The following CCDC150 variants were observed in gnomAD, a reference collection of about 807,000 sequenced individuals.
CCDC150 encodes the protein coiled-coil domain-containing protein 150.
Under a neutral mutation model 156.5 loss-of-function variants are expected in CCDC150, and 151 were observed. The observed-to-expected ratio is 0.97, with a 90% CI of 0.85 to 1.10. The LOEUF (loss-of-function observed/expected upper bound fraction) is 1.10. Ranked by LOEUF, CCDC150 falls within the 50% of genes least tolerant of loss-of-function variation. The pLI, the probability that CCDC150 is intolerant of heterozygous loss-of-function variation, is 0.00. For synonymous variants in CCDC150, 452 were observed against 429.4 expected (o/e 1.05, Z -0.65); for missense variants, 1,312 against 1,268.1 (o/e 1.03, Z -0.53).
At chr2:196,653,815 T>C (rs1693021301) in intron 2 of CCDC150, among the ~76,000 whole-genome samples, 1 of 152,228 alleles carries the variant, frequency 6.6e-6, no homozygotes, top group African/African-American at 2.4e-5. Context: ...TTTGTGTTGC[T>C]TATAAGGGAA....
intron 22 of CCDC150, 101 bp downstream of exon 22, chr2:196,726,200 T>A: frequency 5.2e-6 from 7 of 1,346,970 alleles, no homozygotes; most frequent in South Asian, 1.3e-5. Flanking sequence ...ACTCCTCTCA[T>A]CCCCCTTTGA....
chr2:196,713,820 A>G (rs957408231), intron 17 of CCDC150: 3 of 992,478 alleles, frequency 3.0e-6, no homozygotes, highest in African/African-American at 3.3e-5. Context: ...AAAGACTAAT[A>G]TAGATTGAAA....
At chr2:196,716,473 A>C (rs1186347514) in intron 17 of CCDC150, among the ~76,000 whole-genome samples, 1 of 152,204 alleles carries the variant, frequency 6.6e-6, no homozygotes, top group Non-Finnish European at 1.5e-5. Context: ...AAATAATTAC[A>C]CTGAGTGAAA....
chr2:196,672,513 G>A (rs556914166), intron 9 of CCDC150, 76 bp downstream of exon 9: 1 of 720,700 alleles, frequency 1.4e-6, no homozygotes, highest in Non-Finnish European at 2.1e-6. Context: ...AACAAAATTA[G>A]TCTTGATTAT....
intron 4 of CCDC150, 79 bp from the exon 5 acceptor site, chr2:196,658,713 G>A: frequency 9.8e-7 from 1 of 1,024,082 alleles, no homozygotes; most frequent in Non-Finnish European, 1.4e-6. Context: ...AAAAAAACCT[G>A]ATTTGATCTG....
intron 22 of CCDC150, chr2:196,726,382 G>T: frequency 3.7e-6 from 1 of 267,442 alleles, no homozygotes; most frequent in Non-Finnish European, 7.4e-6. Context: ...AGACAGAAGA[G>T]AAATCATCTG....
At chr2:196,697,839 T>A (rs1695928446) in intron 14 of CCDC150, among the ~76,000 whole-genome samples, 1 of 152,206 alleles carries the variant, frequency 6.6e-6, no homozygotes, top group Non-Finnish European at 1.5e-5. Context: ...TTAGAAATAA[T>A]TTTGTGGCTT....
Position 196,690,463 on chromosome 2 carries a change from T to A in CCDC150, c.1510-4583T>A, listed in dbSNP as rs141155927. Among the ~76,000 whole-genome samples the A allele has an allele frequency of 9.8e-4, 150 of 152,314 alleles. No individual in the cohort carries two copies. In the East Asian group the frequency reaches 0.019, roughly 19 times the overall value. On this transcript the variant is annotated intron_variant, in intron 13 of 27. Coordinates refer to ENST00000389175, the MANE Select transcript of CCDC150 (RefSeq NM_001080539.2). ...TAATATGTAAATTCATATATGTAAT[T>A]TAAAATAGGTAAATTCATATAAATA... is the stretch of plus-strand genomic sequence containing the variant.
intron 17 of CCDC150, among the ~76,000 whole-genome samples, chr2:196,714,626 A>G (rs1326319175): frequency 6.6e-6 from 1 of 152,078 alleles, no homozygotes; most frequent in Non-Finnish European, 1.5e-5. Flanking sequence ...AGTCAGCAAA[A>G]ATTGGCCTCA....
chr2:196,677,014 G>A, intron 12 of CCDC150: 1 of 670,152 alleles, frequency 1.5e-6, no homozygotes, highest in Non-Finnish European at 2.8e-6. Context: ...GATTTCCCCT[G>A]AAGGAGTGGG....
intron 14 of CCDC150, among the ~76,000 whole-genome samples, chr2:196,695,684 A>G (rs770959224): frequency 2.6e-5 from 4 of 152,126 alleles, no homozygotes; most frequent in Non-Finnish European, 4.4e-5. Flanking sequence ...ACTACTAAAA[A>G]TAGAAAAAAT....
intron 1 of CCDC150, among the ~76,000 whole-genome samples, chr2:196,643,135 C>T (rs1163556530): frequency 2.0e-5 from 3 of 152,146 alleles, no homozygotes; most frequent in Non-Finnish European, 2.9e-5. Context: ...GGATTCTCAG[C>T]GATTGACTAA....
rs769592636 is a variant in CCDC150, at chr2:196,677,319, G to T, written c.1467G>T (p.Val489=). ...REVNKTEKEI[V]QERCNLEKEL... Reference sequence around the variant, plus strand: ...TTAATAAAACAGAAAAAGAAATAGTGCAAGAAAGATGCAATTTGGAAAAGG... The same window carrying T: ...TTAATAAAACAGAAAAAGAAATAGTTCAAGAAAGATGCAATTTGGAAAAGG... The change falls in exon 13 of 28, where the codon GTG becomes GTT. Residue 489 remains valine (V), a synonymous_variant. Transcript: ENST00000389175. The T allele has an allele frequency of 6.4e-7, 1 of 1,570,376 alleles. No homozygotes were observed. The highest frequency in any genetic ancestry group is 1.2e-5 in the South Asian group (1 of 85,184).
chr2:196,697,414 G>GA (rs1184269440), intron 14 of CCDC150, among the ~76,000 whole-genome samples: 4 of 152,082 alleles, frequency 2.6e-5, no homozygotes, highest in African/African-American at 7.2e-5. Context: ...CCAAATGTAG[G>GA]AAGGTTACCA....
intron 5 of CCDC150, 74 bp downstream of exon 5, chr2:196,658,934 A>G (rs1040317729): frequency 2.1e-5 from 22 of 1,052,038 alleles, no homozygotes; most frequent in Non-Finnish European, 2.7e-5. Context: ...GAGAGAATGA[A>G]AAGAAACCTT....
At chr2:196,713,305 G>GA in intron 17 of CCDC150, 1 of 1,424,444 alleles carries the variant, frequency 7.0e-7, no homozygotes, top group Non-Finnish European at 9.2e-7. Context: ...GCTATTCCTT[G>GA]AAAAATAACT....
chr2:196,722,091 A>G (rs774248289), intron 21 of CCDC150, among the ~76,000 whole-genome samples: 5 of 152,212 alleles, frequency 3.3e-5, no homozygotes, highest in Non-Finnish European at 5.9e-5. Context: ...ATCTAAGCAG[A>G]TGTTAAGCCA....
chr2:196,721,759 A>G lies in CCDC150; in HGVS notation c.2429+68A>G, dbSNP rs889843620. 2.0e-5 allele frequency: 25 copies of G among 1,277,046 alleles called. No individual in the cohort carries two copies. The Admixed American group carries it at 5.9e-4, about 30-fold the overall frequency. 79.1% of individuals were successfully genotyped at this position (1,277,046 alleles called of 1,614,324 possible). On this transcript the variant is annotated intron_variant, in intron 21 of 27. Transcript: ENST00000389175. Reference sequence around the variant, plus strand: ...GGAGGAGTAAGTCACATTCCCATAAATGGCTCATTCGCATAAATCAGTTAA... The same window carrying G: ...GGAGGAGTAAGTCACATTCCCATAAGTGGCTCATTCGCATAAATCAGTTAA...
In CCDC150 at chr2:196,650,140, C is replaced by T. The variant is rs72916702; in HGVS notation, c.176+3636C>T. ...TTAGCTGTAGGCTTATCATATATGG[C>T]GTTTATTATGTTGAGGTACGTTCCT... is the stretch of plus-strand genomic sequence containing the variant. On this transcript the variant is annotated intron_variant, in intron 2 of 27. Transcript: ENST00000389175. Among the ~76,000 whole-genome samples, 1,329 of 152,228 alleles carry T rather than the reference C, an allele frequency of 8.7e-3. 8 individuals carry two copies. The highest frequency in any genetic ancestry group is 0.026 in the South Asian group (123 of 4,818).
Sources: gnomAD v4.1 joint callset for allele counts (sites outside exome capture counted in the v4.1 genomes callset) on GRCh38, gnomAD v4.1.1 for gene constraint, MANE v1.5 for transcripts, NCBI Gene and HGNC (gene_info 2026-07-23, HGNC 2026-07-21) for gene names.